The following PDE1A variants were observed in gnomAD, a reference collection of about 807,000 sequenced individuals.
PDE1A encodes the protein phosphodiesterase 1A, also known as dual specificity calcium/calmodulin-dependent 3',5'-cyclic nucleotide phosphodiesterase 1A.
PDE1A carries 35 observed loss-of-function variants against 61.7 expected under a neutral mutation model. That is an observed-to-expected ratio of 0.57 (90% confidence interval 0.43 to 0.75). The LOEUF (loss-of-function observed/expected upper bound fraction) is 0.75. Ranked by LOEUF, PDE1A falls within the 30% of genes least tolerant of loss-of-function variation. The probability of loss-of-function intolerance (pLI) is 0.00; values close to 1 mark genes in which losing one functional copy is unlikely to be tolerated. For missense variants in PDE1A, 597 were observed against 630.6 expected (o/e 0.95, Z 0.57); for synonymous variants, 232 against 213.2 (o/e 1.09, Z -0.77).
chr2:182,422,605 G>A (rs1021070049), intron 1 of PDE1A, among the ~76,000 whole-genome samples: 2 of 152,078 alleles, frequency 1.3e-5, no homozygotes. Context: ...TATGCAATAA[G>A]GTGGAAATGT....
At chr2:182,522,143 G>A (rs1690605672) in intron 2 of PDE1A, 3 of 685,140 alleles carry the variant, frequency 4.4e-6, no homozygotes, top group East Asian at 5.4e-5. Flanking sequence ...GTTAGCTGAG[G>A]TAGGCACATT....
chr2:182,271,930 A>G (rs1243907089), intron 1 of PDE1A, among the ~76,000 whole-genome samples: 1 of 152,158 alleles, frequency 6.6e-6, no homozygotes, highest in Non-Finnish European at 1.5e-5. Context: ...ACATGATGCA[A>G]AAACATGCTA....
intron 9 of PDE1A, 56 bp downstream of exon 9, chr2:182,201,632 C>T: frequency 7.8e-7 from 1 of 1,280,708 alleles, no homozygotes; most frequent in South Asian, 1.3e-5. Context: ...AGGCCAAGCC[C>T]CTGGAACTTT....
the PDE1A span, among the ~76,000 whole-genome samples, chr2:182,710,280 G>T: frequency 6.6e-6 from 1 of 152,082 alleles, no homozygotes; most frequent in Non-Finnish European, 1.5e-5. Context: ...AACATGATTG[G>T]ATATATATTC....
At chr2:182,339,327 T>C (rs1698038279) in intron 1 of PDE1A, among the ~76,000 whole-genome samples, 1 of 152,224 alleles carries the variant, frequency 6.6e-6, no homozygotes, top group Admixed American at 6.5e-5. Context: ...TGAGAAAATG[T>C]TCAGTATAAA....
intron 7 of PDE1A, among the ~76,000 whole-genome samples, chr2:182,221,751 T>C (rs11690832): frequency 0.44 from 67,350 of 151,816 alleles, 15,345 homozygotes; most frequent in Middle Eastern, 0.61. Context: ...CATCTCTGGC[T>C]GTGGGAGCAG....
chr2:182,670,354 A>G, the PDE1A span, among the ~76,000 whole-genome samples: 1 of 152,324 alleles, frequency 6.6e-6, no homozygotes, highest in African/African-American at 2.4e-5. Flanking sequence ...TTGAAAAATT[A>G]ATATAGAGTC....
the PDE1A span, among the ~76,000 whole-genome samples, chr2:182,669,555 G>A: frequency 1.1e-4 from 17 of 152,114 alleles, no homozygotes; most frequent in African/African-American, 3.4e-4. Flanking sequence ...AGCAACCTTC[G>A]CTATTTTTCC....
chr2:182,423,443 A>G (rs969815487), intron 1 of PDE1A, among the ~76,000 whole-genome samples: 1 of 152,142 alleles, frequency 6.6e-6, no homozygotes, highest in Admixed American at 6.6e-5. Context: ...CAAAATTTCA[A>G]CGTTCACCAT....
the PDE1A span, among the ~76,000 whole-genome samples, chr2:182,575,104 A>T: frequency 6.6e-6 from 1 of 152,172 alleles, no homozygotes; most frequent in Non-Finnish European, 1.5e-5. Context: ...CTTTGCTTTA[A>T]GCAAGCACCT....
At chr2:182,388,661 A>G (rs1701254960) in intron 1 of PDE1A, among the ~76,000 whole-genome samples, 1 of 152,088 alleles carries the variant, frequency 6.6e-6, no homozygotes, top group Non-Finnish European at 1.5e-5. Context: ...GATATAGCAA[A>G]AGCAGTTATA....
chr2:182,599,981 A>G, the PDE1A span, among the ~76,000 whole-genome samples: 1 of 152,198 alleles, frequency 6.6e-6, no homozygotes, highest in Non-Finnish European at 1.5e-5. Context: ...CATGACAGGA[A>G]AGTCCCTTGA....
At chr2:182,145,280 A>T (rs1225020904), downstream of PDE1A, among the ~76,000 whole-genome samples, 3 of 152,172 alleles carry the variant, frequency 2.0e-5, no homozygotes, top group African/African-American at 7.2e-5. Flanking sequence ...GCTACTGAAG[A>T]TCACATTTCC....
chr2:182,357,619 T>A (rs187954496), intron 1 of PDE1A, among the ~76,000 whole-genome samples: 1 of 152,320 alleles, frequency 6.6e-6, no homozygotes, highest in East Asian at 1.9e-4. Context: ...ATCATTATTA[T>A]TTAAATAAGA....
chr2:182,200,270 C>A (rs879348055), intron 10 of PDE1A, among the ~76,000 whole-genome samples: 8 of 152,164 alleles, frequency 5.3e-5, no homozygotes, highest in African/African-American at 1.9e-4. Context: ...CTGGGCCTAT[C>A]CCCTAGATAG....
chr2:182,358,534 T>A (rs1248408468), intron 1 of PDE1A, among the ~76,000 whole-genome samples: 1 of 152,186 alleles, frequency 6.6e-6, no homozygotes. Flanking sequence ...ATTGGTATCA[T>A]CTCTGTGCCT....
At chr2:182,320,735 A>G (rs1285250053) in intron 1 of PDE1A, among the ~76,000 whole-genome samples, 7 of 152,206 alleles carry the variant, frequency 4.6e-5, no homozygotes, top group Non-Finnish European at 1.0e-4. Context: ...TGGACTAGTT[A>G]CAAAAGACCT....
chr2:182,262,580 C>T (rs62190507), intron 2 of PDE1A, among the ~76,000 whole-genome samples: 35,311 of 152,018 alleles, frequency 0.23, 4,208 homozygotes, highest in East Asian at 0.33. Flanking sequence ...GTTTCCTTTT[C>T]CTCAAATAAT....
At chr2:182,567,594 A>C in the PDE1A span, among the ~76,000 whole-genome samples, 2 of 152,054 alleles carry the variant, frequency 1.3e-5, no homozygotes, top group African/African-American at 4.8e-5. Context: ...GTGATTTCTA[A>C]TTGCTCAACA....
Sources: allele counts gnomAD v4.1 joint callset (sites outside exome capture counted in the v4.1 genomes callset), GRCh38; gene constraint gnomAD v4.1.1; transcripts MANE v1.5; gene names NCBI Gene and HGNC (gene_info 2026-07-23, HGNC 2026-07-21).